CARD14: variants seen among roughly 807,000 people sequenced by gnomAD.
The protein encoded by CARD14 is caspase recruitment domain-containing protein 14.
CARD14 carries 107 observed loss-of-function variants against 111.5 expected under a neutral mutation model. The ratio of observed to expected loss-of-function variants is 0.96; its 90% confidence interval spans 0.82 to 1.13. CARD14 has a LOEUF of 1.13. Among genes scored for constraint, CARD14 ranks in the 50% most tolerant of loss-of-function variants. The pLI is 0.00. For missense variants in CARD14, 1,322 were observed against 1,362.3 expected, an observed-to-expected ratio of 0.97 and a Z score of 0.47; for synonymous variants, 617 against 579.6, an observed-to-expected ratio of 1.06 and a Z score of -0.93.
In CARD14 at chr17:80,203,477, G is replaced by A. The variant is rs909447525; in HGVS notation, c.2220-345G>A. On this transcript the variant is annotated intron_variant, in intron 18 of 23. Transcript: ENST00000648509. The surrounding 1 kb of genome is among the most constrained non-coding windows in gnomAD (Gnocchi z 4.6). ...ACTCTGCATTTCTAACAGCTCTCTC[G>A]GTGACTCCAGGCTGCAGGCCAGGGA... 4 of 247,876 alleles carry A rather than the reference G, an allele frequency of 1.6e-5. No homozygotes were observed. The highest frequency in any genetic ancestry group is 4.5e-5 in the African/African-American group (2 of 44,530). 15.4% of individuals were successfully genotyped at this position (247,876 alleles called of 1,614,324 possible).
chr17:80,189,609 T>C lies in CARD14; in HGVS notation c.844-144T>C. 9.2e-7 allele frequency: 1 copy of C among 1,084,646 alleles called. No homozygotes were observed. The highest frequency in any genetic ancestry group is 1.2e-6 in the Non-Finnish European group (1 of 804,642). 67.2% of individuals were successfully genotyped at this position (1,084,646 alleles called of 1,614,324 possible). On this transcript the variant is annotated intron_variant, in intron 8 of 23. Transcript: ENST00000648509. This position sits in a 1 kb window ranked among gnomAD's most constrained non-coding sequence, Gnocchi z 4.7. Reference sequence around the variant, plus strand: ...CATGATGGGTGGCTTTTCCGTGGCTTCTCTCCTGCCCGGTGTAGAGTGGCA... The same window carrying C: ...CATGATGGGTGGCTTTTCCGTGGCTCCTCTCCTGCCCGGTGTAGAGTGGCA...
At position 80,195,483 on chromosome 17, in the gene CARD14, G is replaced by A. The variant is rs368797054; in HGVS notation, c.1500-75G>A. 4.7e-5 allele frequency: 71 copies of A among 1,516,362 alleles called. 2 individuals are homozygous for A. Among genetic ancestry groups the A allele is most frequent in the East Asian group, 1.9e-4 (8 of 42,698 alleles). 93.9% of individuals were successfully genotyped at this position (1,516,362 alleles called of 1,614,324 possible). ...GCCCCAGAGCTGGCAGGTGCTGGGGGCCAGTGCTTGGGGCGTGGGGACTCA... is the reference window on the plus strand; with the variant it reads ...GCCCCAGAGCTGGCAGGTGCTGGGGACCAGTGCTTGGGGCGTGGGGACTCA... On this transcript the variant is annotated intron_variant, in intron 13 of 23. Coordinates refer to ENST00000648509, the MANE Select transcript of CARD14 (RefSeq NM_001366385.1). The surrounding 1 kb of genome is among the most constrained non-coding windows in gnomAD (Gnocchi z 4.7).
chr17:80,205,405 T>C (rs2041242549), intron 21 of CARD14, 126 bp from the exon 22 acceptor site: 1 of 1,346,626 alleles, frequency 7.4e-7, no homozygotes, highest in African/African-American at 1.4e-5. Context: ...GTTTGTAAAG[T>C]GGACATCCTA....
Position 80,188,908 on chromosome 17 carries a change from G to A in CARD14, c.843+364G>A, listed in dbSNP as rs201843297. 159 of 157,188 alleles carry A rather than the reference G, an allele frequency of 1.0e-3. 1 individual carries two copies. The highest frequency in any genetic ancestry group is 7.3e-3 in the East Asian group (39 of 5,352). The allele number at this position is 157,188 out of a possible 1,614,324, so 9.7% of individuals were successfully genotyped here. ...TCTACAAAAAATACAAAAAGTAGCCGGGCATGGTGGTGCACACCTGTGGTC... is the reference window on the plus strand; with the variant it reads ...TCTACAAAAAATACAAAAAGTAGCCAGGCATGGTGGTGCACACCTGTGGTC... On this transcript the variant is annotated intron_variant, in intron 8 of 23. Coordinates refer to ENST00000648509, the MANE Select transcript of CARD14 (RefSeq NM_001366385.1). The surrounding 1 kb of genome is among the most constrained non-coding windows in gnomAD (Gnocchi z 4.5).
chr17:80,194,010 G>A (rs913626824), intron 12 of CARD14, among the ~76,000 whole-genome samples: 2 of 152,030 alleles, frequency 1.3e-5, no homozygotes, highest in African/African-American at 4.8e-5. Flanking sequence ...GCAACTGACC[G>A]ATCAGCTGCC....
chr17:80,186,304 A>G (rs1177256722), intron 7 of CARD14, among the ~76,000 whole-genome samples: 1 of 152,082 alleles, frequency 6.6e-6, no homozygotes, highest in African/African-American at 2.4e-5. Context: ...GGCGCAGTTC[A>G]TGGGTTCCTA....
At chr17:80,202,442 G>C in intron 18 of CARD14, 22 bp downstream of exon 18, 1 of 1,604,052 alleles carries the variant, frequency 6.2e-7, no homozygotes, top group Non-Finnish European at 8.5e-7. Flanking sequence ...CCTCGAGCTC[G>C]GTGCGTCCCC....
chr17:80,204,465 C>G, intron 20 of CARD14, 124 bp downstream of exon 20: 1 of 926,414 alleles, frequency 1.1e-6, no homozygotes, highest in East Asian at 2.8e-5. Context: ...ATCTGGTCTT[C>G]AAGAATCATG....
intron 16 of CARD14, among the ~76,000 whole-genome samples, chr17:80,199,430 A>T (rs1352808738): frequency 2.0e-5 from 3 of 151,866 alleles, no homozygotes; most frequent in Non-Finnish European, 4.4e-5. Flanking sequence ...GAAAAAAAAA[A>T]ACTTCTGGGC....
intron 20 of CARD14, chr17:80,204,809 A>C (rs1351945015): frequency 2.0e-6 from 1 of 501,188 alleles, no homozygotes; most frequent in Non-Finnish European, 3.5e-6. Context: ...GCTGCAAAGC[A>C]GTCCCTGGAG....
chr17:80,187,164 C>T (rs375795293), intron 7 of CARD14, among the ~76,000 whole-genome samples: 2 of 152,212 alleles, frequency 1.3e-5, no homozygotes, highest in Non-Finnish European at 2.9e-5. Flanking sequence ...CCAGGGGGAA[C>T]GCTGCTCCCA....
Position 80,195,585 on chromosome 17 carries a change from C to T in CARD14, c.1527C>T (p.Asp509=), listed in dbSNP as rs781689813. ...GCTGCCTGGAGATCCCGGAGGGAGA[C>T]CCGGGAGCCCTGCCGGGAGCTAAGG... ...FSSCLEIPEG[D]PGALPGAKAG... The change falls in exon 14 of 24, where the codon GAC becomes GAT. Residue 509 remains aspartate, a synonymous_variant. Transcript: ENST00000648509. This position sits in a 1 kb window ranked among gnomAD's most constrained non-coding sequence, Gnocchi z 4.7. 8 of 1,612,644 alleles carry T rather than the reference C, an allele frequency of 5.0e-6. No individual in the cohort carries two copies. The highest frequency in any genetic ancestry group is 6.8e-6 in the Non-Finnish European group (8 of 1,179,834).
Position 80,189,161 on chromosome 17 carries a change from C to T in CARD14, c.844-592C>T, listed in dbSNP as rs374454789. Among the ~76,000 whole-genome samples the T allele has an allele frequency of 2.6e-4, 40 of 152,098 alleles. No individual in the cohort carries two copies. The highest frequency in any genetic ancestry group is 8.5e-4 in the African/African-American group (35 of 41,410). ...TTGGCCAATTGTAAAGCATGGGATT[C>T]GCGTTAAGGATGGGGGAAAGAAACC... On this transcript the variant is annotated intron_variant, in intron 8 of 23. Transcript: ENST00000648509. This position sits in a 1 kb window ranked among gnomAD's most constrained non-coding sequence, Gnocchi z 4.7.
chr17:80,183,450 C>G (rs981762667), intron 6 of CARD14, among the ~76,000 whole-genome samples: 1 of 152,162 alleles, frequency 6.6e-6, no homozygotes. Flanking sequence ...CTCAGGATAA[C>G]GTTAAAATGA....
In CARD14 at chr17:80,184,151, C is replaced by A. The variant is rs548686087; in HGVS notation, c.588C>A (p.Asp196Glu). The A allele has an allele frequency of 1.3e-6, 2 of 1,566,342 alleles. No individual in the cohort carries two copies. The highest frequency in any genetic ancestry group is 1.7e-6 in the Non-Finnish European group (2 of 1,155,776). ...TCCATGAGGTGCTGAGGCTGAAGGA[C>A]GAGATGCTCAGCCTCTCGCTGCACT... ...AHFHEVLRLK[D>E]EMLSLSLHYS... Residue 196 changes from aspartate (D) to glutamate (E), a missense_variant, in exon 7 of 24, where the codon GAC (aspartate) becomes GAA (glutamate). Asp to Glu is a conservative substitution (Grantham distance 45). Transcript: ENST00000648509.
rs542204090 is a variant in CARD14, at chr17:80,189,052, A to G, written c.843+508A>G. Among the ~76,000 whole-genome samples, 15 of 152,336 alleles carry G rather than the reference A, an allele frequency of 9.8e-5. No individual in the cohort carries two copies. The highest frequency in any genetic ancestry group is 3.6e-4 in the African/African-American group (15 of 41,576). On this transcript the variant is annotated intron_variant, in intron 8 of 23. Coordinates refer to ENST00000648509, the MANE Select transcript of CARD14 (RefSeq NM_001366385.1). The surrounding 1 kb of genome is among the most constrained non-coding windows in gnomAD (Gnocchi z 4.7). ...GCGACAGAGGGAGACCCTGTCTCAAACAAACAAAAATAAAAGCCGCTGGAG... is the reference window on the plus strand; with the variant it reads ...GCGACAGAGGGAGACCCTGTCTCAAGCAAACAAAAATAAAAGCCGCTGGAG...
In CARD14 at chr17:80,198,298, G is replaced by C; in HGVS notation, c.1659-101G>C. The C allele has an allele frequency of 6.4e-7, 1 of 1,567,066 alleles. No homozygotes were observed. The highest frequency in any genetic ancestry group is 8.7e-7 in the Non-Finnish European group (1 of 1,151,302). ...CACATGGGGCCATGGAGGGGGAGGA[G>C]AATTCCAGAACACTGGGGCCAGAGG... On this transcript the variant is annotated intron_variant, in intron 15 of 23. Transcript: ENST00000648509. The surrounding 1 kb of genome is among the most constrained non-coding windows in gnomAD (Gnocchi z 7.5).
intron 19 of CARD14, 126 bp from the exon 20 acceptor site, chr17:80,204,100 GT>G: frequency 1.0e-6 from 1 of 963,538 alleles, no homozygotes; most frequent in Non-Finnish European, 1.5e-6. Context: ...ACCTCAGGCT[GT>G]TCTCAGAGCA....
At chr17:80,181,194 C>T (rs2040161799) in intron 4 of CARD14, among the ~76,000 whole-genome samples, 1 of 151,988 alleles carries the variant, frequency 6.6e-6, no homozygotes, top group African/African-American at 2.4e-5. Flanking sequence ...TGGGGTAGAG[C>T]AGGTGGGGCC....
Sources: allele counts gnomAD v4.1 joint callset (sites outside exome capture counted in the v4.1 genomes callset), GRCh38; gene constraint gnomAD v4.1.1; non-coding constraint Gnocchi (gnomAD v3.1); transcripts MANE v1.5; gene names NCBI Gene and HGNC (gene_info 2026-07-23, HGNC 2026-07-21).